PTPRG: variants seen among roughly 807,000 people sequenced by gnomAD.
The protein encoded by PTPRG is receptor-type tyrosine-protein phosphatase gamma.
In PTPRG, 102 loss-of-function variants were observed where a neutral mutation model predicts 165.3. The ratio of observed to expected loss-of-function variants is 0.62; its 90% CI spans 0.53 to 0.73. PTPRG has a LOEUF of 0.73. Among genes scored for constraint, PTPRG ranks in the 30% least tolerant of loss-of-function variants. The probability of loss-of-function intolerance (pLI) is 0.00; values close to 1 mark genes in which losing one functional copy is unlikely to be tolerated. For synonymous variants in PTPRG, 675 were observed against 669.5 expected, an observed-to-expected ratio of 1.01 and a Z score of -0.13; for missense variants, 1,866 against 1,861.4, an observed-to-expected ratio of 1.00 and a Z score of -0.05.
At position 62,273,075 on chromosome 3, in the gene PTPRG, G is replaced by A; in HGVS notation, c.3312G>A (p.Gln1104=). ...HIRTQRNYLV[Q]TEEQYIFIHD... ...GGACACAGCGTAACTACCTCGTCCAGACTGAGGTAAGGAGTAGCTGCCAGC... is the reference window on the plus strand; with the variant it reads ...GGACACAGCGTAACTACCTCGTCCAAACTGAGGTAAGGAGTAGCTGCCAGC... Residue 1104 remains glutamine, a synonymous_variant, in exon 22 of 30, where the codon CAG becomes CAA. Coordinates refer to ENST00000474889, the MANE Select transcript of PTPRG (RefSeq NM_002841.4). The surrounding 1 kb of genome is among the most constrained non-coding windows in gnomAD (Gnocchi z 4.1). 2 of 1,610,114 alleles carry A rather than the reference G, an allele frequency of 1.2e-6. No homozygotes were observed. Among genetic ancestry groups the A allele is most frequent in the Non-Finnish European group, 8.5e-7 (1 of 1,178,690 alleles).
chr3:62,277,132 A>AT (rs1702257241), intron 25 of PTPRG, 84 bp downstream of exon 25: 1 of 1,032,478 alleles, frequency 9.7e-7, no homozygotes, highest in African/African-American at 1.6e-5. Flanking sequence ...GACTGATGTC[A>AT]TTTTTGAAAT....
intron 8 of PTPRG, among the ~76,000 whole-genome samples, chr3:62,176,529 C>G (rs1360399328): frequency 6.6e-6 from 1 of 152,108 alleles, no homozygotes; most frequent in Non-Finnish European, 1.5e-5. Context: ...GTACTCCTTC[C>G]CTGAATGAAG....
intron 1 of PTPRG, among the ~76,000 whole-genome samples, chr3:61,697,972 G>A (rs757001499): frequency 3.3e-5 from 5 of 152,124 alleles, no homozygotes; most frequent in East Asian, 3.9e-4. Context: ...TTTCCCCTGC[G>A]TTTATTCCCA....
intron 2 of PTPRG, among the ~76,000 whole-genome samples, chr3:61,834,331 A>G (rs1416568916): frequency 6.6e-6 from 1 of 152,100 alleles, no homozygotes; most frequent in African/African-American, 2.4e-5. Flanking sequence ...TTTTTTCTCA[A>G]AGATACTACC....
chr3:61,824,079 G>T lies in PTPRG; in HGVS notation c.190+75097G>T, dbSNP rs556399904. On this transcript the variant is annotated intron_variant, in intron 2 of 29. Transcript: ENST00000474889. ...GCGGAGCTTGCAGTGAGCCAAGATC[G>T]CTCCACTGCACTCCATTCAGCCTGG... Among the ~76,000 whole-genome samples the T allele has an allele frequency of 3.9e-5, 6 of 151,962 alleles. No individual in the cohort carries two copies. In the South Asian group the frequency reaches 8.3e-4, roughly 21 times the overall value.
chr3:61,572,476 G>A (rs1700078397), intron 1 of PTPRG, among the ~76,000 whole-genome samples: 1 of 152,018 alleles, frequency 6.6e-6, no homozygotes, highest in Non-Finnish European at 1.5e-5. Flanking sequence ...CATTTATTTG[G>A]GTTATCTGGA....
At chr3:61,953,828 C>T (rs2039960094) in intron 2 of PTPRG, among the ~76,000 whole-genome samples, 1 of 152,112 alleles carries the variant, frequency 6.6e-6, no homozygotes, top group African/African-American at 2.4e-5. Context: ...CTCTAAAGCA[C>T]AAATGCTCCA....
intron 5 of PTPRG, among the ~76,000 whole-genome samples, chr3:62,101,226 A>G (rs920133940): frequency 2.6e-5 from 4 of 152,214 alleles, no homozygotes; most frequent in African/African-American, 7.2e-5. Flanking sequence ...AAAATGAAGC[A>G]GCCACTTAAC....
chr3:61,992,706 G>C (rs990290269), intron 3 of PTPRG, among the ~76,000 whole-genome samples: 2 of 152,126 alleles, frequency 1.3e-5, no homozygotes, highest in African/African-American at 2.4e-5. Context: ...ATTTTTAGTA[G>C]AGACAGGATT....
chr3:61,797,271 C>T (rs917870387), intron 2 of PTPRG, among the ~76,000 whole-genome samples: 11 of 152,100 alleles, frequency 7.2e-5, no homozygotes, highest in African/African-American at 1.4e-4. Context: ...TCTCTGAAAT[C>T]GGAATATACT....
chr3:61,794,381 T>A (rs936241891), intron 2 of PTPRG, among the ~76,000 whole-genome samples: 3 of 152,210 alleles, frequency 2.0e-5, no homozygotes, highest in African/African-American at 7.2e-5. Flanking sequence ...CTCCATATAT[T>A]TTCTGGCATT....
At chr3:61,895,457 G>T (rs1223283380) in intron 2 of PTPRG, among the ~76,000 whole-genome samples, 2 of 152,138 alleles carry the variant, frequency 1.3e-5, no homozygotes, top group Non-Finnish European at 2.9e-5. Context: ...TAAGTTTACA[G>T]TTCAGCTAAT....
intron 1 of PTPRG, among the ~76,000 whole-genome samples, chr3:61,665,899 A>C (rs1003761211): frequency 4.6e-5 from 7 of 152,158 alleles, no homozygotes; most frequent in African/African-American, 1.7e-4. Context: ...AATTTTATGT[A>C]TGAATTTGAG....
intron 1 of PTPRG, among the ~76,000 whole-genome samples, chr3:61,687,409 G>A (rs1445813490): frequency 2.6e-5 from 4 of 152,234 alleles, no homozygotes; most frequent in South Asian, 4.1e-4. Flanking sequence ...GATTCTTCCC[G>A]GCAGTCCTAC....
At chr3:62,290,568 AC>A in intron 28 of PTPRG, among the ~76,000 whole-genome samples, 1 of 152,178 alleles carries the variant, frequency 6.6e-6, no homozygotes, top group Non-Finnish European at 1.5e-5. Flanking sequence ...GTGGGGAGGT[AC>A]AAAAAATAGA....
intron 2 of PTPRG, among the ~76,000 whole-genome samples, chr3:61,967,284 A>G (rs62245363): frequency 0.017 from 2,595 of 152,216 alleles, 36 homozygotes; most frequent in Non-Finnish European, 0.026. Flanking sequence ...TTGTGATTTG[A>G]TCTCTTGCAT....
At chr3:62,084,561 AT>A (rs909950085) in intron 5 of PTPRG, among the ~76,000 whole-genome samples, 80 of 152,052 alleles carry the variant, frequency 5.3e-4, no homozygotes, top group African/African-American at 1.9e-3. Context: ...CTGCTTAATT[AT>A]TTTTCTCCAT....
chr3:61,984,592 C>T (rs942610851), intron 2 of PTPRG, among the ~76,000 whole-genome samples: 3 of 152,144 alleles, frequency 2.0e-5, no homozygotes, highest in African/African-American at 7.2e-5. Context: ...ATGCAGTTTG[C>T]TCCATAATTT....
chr3:62,083,174 A>G (rs780278044), intron 5 of PTPRG, among the ~76,000 whole-genome samples: 6 of 152,170 alleles, frequency 3.9e-5, no homozygotes, highest in Non-Finnish European at 8.8e-5. Context: ...TCTACTGTCA[A>G]CCTAATTTGA....
Sources: allele counts gnomAD v4.1 joint callset (sites outside exome capture counted in the v4.1 genomes callset), GRCh38; gene constraint gnomAD v4.1.1; non-coding constraint Gnocchi (gnomAD v3.1); transcripts MANE v1.5; gene names NCBI Gene and HGNC (gene_info 2026-07-23, HGNC 2026-07-21).